The following SRL variants were observed in gnomAD, a reference collection of about 807,000 sequenced individuals.
SRL encodes the protein sarcalumenin.
In SRL, 23 loss-of-function variants were observed where a neutral mutation model predicts 39.5. The ratio of observed to expected loss-of-function variants is 0.58; its 90% confidence interval spans 0.42 to 0.82. The LOEUF (loss-of-function observed/expected upper bound fraction) is 0.82. SRL is among the 40% of genes least tolerant of loss of function. SRL has a pLI of 0.00. For missense variants in SRL, 592 were observed against 607.8 expected (o/e 0.97, Z 0.27); for synonymous variants, 272 against 237.4 (o/e 1.15, Z -1.34).
In SRL at chr16:4,200,165, C is replaced by T. The variant is rs985936001; in HGVS notation, c.260-2250G>A. On this transcript the variant is annotated intron_variant, in intron 3 of 5. Transcript: ENST00000399609. Reference sequence around the variant, plus strand: ...AGCAACACCATGGCCCTGCCCCATCCCTCCCTGTCTGTGAATACACAGGAG... The same window carrying T: ...AGCAACACCATGGCCCTGCCCCATCTCTCCCTGTCTGTGAATACACAGGAG... 1.9e-4 allele frequency among the ~76,000 whole-genome samples: 29 copies of T among 152,318 alleles called. 1 individual carries two copies. Among genetic ancestry groups the T allele is most frequent in the African/African-American group, 7.0e-4 (29 of 41,576 alleles).
intron 1 of SRL, among the ~76,000 whole-genome samples, chr16:4,228,531 C>A (rs180900127): frequency 1.2e-4 from 18 of 152,058 alleles, no homozygotes; most frequent in South Asian, 6.2e-4. Flanking sequence ...GTCAGGAGAT[C>A]GAGACCATCC....
chr16:4,228,552 G>A (rs144906775), intron 1 of SRL, among the ~76,000 whole-genome samples: 33 of 151,450 alleles, frequency 2.2e-4, no homozygotes, highest in East Asian at 1.2e-3. Flanking sequence ...TGGCTAACAC[G>A]GTGAAACCCC....
chr16:4,195,912 C>T (rs1597265895), intron 4 of SRL, 126 bp from the exon 5 acceptor site: 1 of 726,172 alleles, frequency 1.4e-6, no homozygotes, highest in East Asian at 2.7e-5. Context: ...GTTTGCCAAG[C>T]TATTGGGGCT....
chr16:4,217,576 C>T (rs570688807), intron 1 of SRL, among the ~76,000 whole-genome samples: 4 of 152,168 alleles, frequency 2.6e-5, no homozygotes, highest in Non-Finnish European at 4.4e-5. Flanking sequence ...CTGGCGCCCC[C>T]ACCCCCCGCT....
intron 1 of SRL, among the ~76,000 whole-genome samples, chr16:4,228,033 G>A (rs1308658252): frequency 6.6e-6 from 1 of 152,238 alleles, no homozygotes; most frequent in Non-Finnish European, 1.5e-5. Flanking sequence ...GGGGACAGTG[G>A]CTGTGGTTAG....
intron 5 of SRL, among the ~76,000 whole-genome samples, chr16:4,193,327 C>T (rs1468077820): frequency 2.6e-5 from 4 of 152,164 alleles, no homozygotes. Flanking sequence ...GCCACCATGC[C>T]CCACCTGATC....
chr16:4,230,587 C>T (rs1264414942), intron 1 of SRL, among the ~76,000 whole-genome samples: 5 of 151,428 alleles, frequency 3.3e-5, no homozygotes, highest in Admixed American at 6.6e-5. Context: ...CGGGGTTTCA[C>T]CATGTTGGCC....
intron 1 of SRL, among the ~76,000 whole-genome samples, chr16:4,222,280 C>T (rs549254984): frequency 2.7e-4 from 41 of 152,278 alleles, no homozygotes; most frequent in Non-Finnish European, 4.6e-4. Context: ...CCCTATGTGA[C>T]GGCTTTTTTT....
chr16:4,232,180 A>G (rs2052666674), intron 1 of SRL, among the ~76,000 whole-genome samples: 1 of 152,194 alleles, frequency 6.6e-6, no homozygotes, highest in Non-Finnish European at 1.5e-5. Flanking sequence ...AAGGCAGGAA[A>G]GGAGGTGGGC....
Position 4,198,484 on chromosome 16 carries a change from C to T in SRL, c.260-569G>A, listed in dbSNP as rs143096857. On this transcript the variant is annotated intron_variant, in intron 3 of 5. Coordinates refer to ENST00000399609, the MANE Select transcript of SRL (RefSeq NM_001098814.2). ...CTCTTTTGTTTAGAATCAGGGTCTC[C>T]GTTGCCCAGGCTGAAATGCAGTGGT... Among the ~76,000 whole-genome samples, 27 of 152,266 alleles carry T rather than the reference C, an allele frequency of 1.8e-4. No individual in the cohort carries two copies. The East Asian group carries it at 5.2e-3, about 29-fold the overall frequency.
chr16:4,207,086 G>A (rs2052331038), intron 1 of SRL: 1 of 454,348 alleles, frequency 2.2e-6, no homozygotes, highest in Non-Finnish European at 4.4e-6. Flanking sequence ...TGGCTTCCTG[G>A]GGCTCCCCAG....
intron 1 of SRL, among the ~76,000 whole-genome samples, chr16:4,233,500 G>A (rs953213654): frequency 6.6e-6 from 1 of 152,146 alleles, no homozygotes; most frequent in Non-Finnish European, 1.5e-5. Flanking sequence ...CTGTCCCTCT[G>A]CACAGCCAAC....
chr16:4,203,717 C>T (rs1454830869), intron 2 of SRL, among the ~76,000 whole-genome samples: 1 of 152,104 alleles, frequency 6.6e-6, no homozygotes, highest in Non-Finnish European at 1.5e-5. Flanking sequence ...CCTCTCTCCT[C>T]CTTCCTCACC....
At position 4,204,085 on chromosome 16, in the gene SRL, G is replaced by A. The variant is rs149350330; in HGVS notation, c.163+448C>T. The stretch of plus-strand genomic sequence containing the variant: ...TCTAGCCGTGGGCCAGGAGCAAATC[G>A]CTGCTAGCCTGAGCTCCAGTTAGGT... On this transcript the variant is annotated intron_variant, in intron 2 of 5. Transcript: ENST00000399609. Among the ~76,000 whole-genome samples, 461 of 152,338 alleles carry A rather than the reference G, an allele frequency of 3.0e-3. 1 individual carries two copies. The highest frequency in any genetic ancestry group is 9.6e-3 in the African/African-American group (399 of 41,578).
chr16:4,231,560 C>G (rs111960867), intron 1 of SRL, among the ~76,000 whole-genome samples: 23 of 152,196 alleles, frequency 1.5e-4, no homozygotes, highest in African/African-American at 5.3e-4. Context: ...CCCCGACAAC[C>G]GCTCCCCCTT....
chr16:4,223,851 G>C (rs1158910392), intron 1 of SRL, among the ~76,000 whole-genome samples: 2 of 152,180 alleles, frequency 1.3e-5, no homozygotes, highest in African/African-American at 4.8e-5. Flanking sequence ...GGCTGCACCA[G>C]TCCTGCCCCT....
chr16:4,193,582 A>C (rs1458101787), intron 5 of SRL, among the ~76,000 whole-genome samples: 1 of 152,216 alleles, frequency 6.6e-6, no homozygotes. Context: ...AAATGCCTCT[A>C]AGCTCTACCT....
intron 1 of SRL, among the ~76,000 whole-genome samples, chr16:4,240,179 C>T (rs1476056945): frequency 1.3e-5 from 2 of 152,092 alleles, no homozygotes; most frequent in African/African-American, 4.8e-5. Context: ...CGCCACCCAG[C>T]CAAGGAGCAA....
chr16:4,211,313 G>GC (rs1016584662), intron 1 of SRL, among the ~76,000 whole-genome samples: 2 of 119,948 alleles, frequency 1.7e-5, no homozygotes, highest in African/African-American at 7.0e-5. Context: ...CTCCCACGTT[G>GC]GGGGGGGTCT....
Sources: gnomAD v4.1 joint callset for allele counts (sites outside exome capture counted in the v4.1 genomes callset) on GRCh38, gnomAD v4.1.1 for gene constraint, MANE v1.5 for transcripts, NCBI Gene and HGNC (gene_info 2026-07-23, HGNC 2026-07-21) for gene names.